MBOAT2: variants seen among roughly 807,000 people sequenced by gnomAD.
MBOAT2 encodes the protein membrane-bound glycerophospholipid O-acyltransferase 2.
In MBOAT2, 28 loss-of-function variants were observed where a neutral mutation model predicts 63.4. The observed-to-expected ratio is 0.44, with a 90% CI of 0.33 to 0.61. The LOEUF is 0.61. Ranked by LOEUF, MBOAT2 falls within the 20% of genes least tolerant of loss-of-function variation. The pLI is 0.03. For synonymous variants in MBOAT2, 211 were observed against 215.6 expected, an observed-to-expected ratio of 0.98 and a Z score of 0.19; for missense variants, 470 against 605.8, an observed-to-expected ratio of 0.78 and a Z score of 2.35.
At chr2:8,957,311 C>T (rs1236685437) in intron 2 of MBOAT2, among the ~76,000 whole-genome samples, 1 of 152,176 alleles carries the variant, frequency 6.6e-6, no homozygotes, top group Non-Finnish European at 1.5e-5. Flanking sequence ...CCTTAAAAAA[C>T]TGTGATGATA....
chr2:8,903,073 G>A (rs1242204390), intron 4 of MBOAT2, among the ~76,000 whole-genome samples: 1 of 152,128 alleles, frequency 6.6e-6, no homozygotes, highest in Non-Finnish European at 1.5e-5. Flanking sequence ...CCTTGAGCTA[G>A]ACACAAAAGT....
chr2:8,868,604 T>C, intron 8 of MBOAT2, 55 bp from the exon 9 acceptor site: 1 of 1,366,348 alleles, frequency 7.3e-7, no homozygotes, highest in Non-Finnish European at 1.0e-6. Context: ...CAATTTACCA[T>C]ATTCTCCCAG....
At chr2:8,930,059 C>T (rs974634728) in intron 3 of MBOAT2, among the ~76,000 whole-genome samples, 12 of 152,192 alleles carry the variant, frequency 7.9e-5, no homozygotes, top group Non-Finnish European at 1.6e-4. Flanking sequence ...TTATCTATGT[C>T]CCAGTTCCAA....
At chr2:8,895,841 G>A (rs914023895) in intron 4 of MBOAT2, among the ~76,000 whole-genome samples, 5 of 152,122 alleles carry the variant, frequency 3.3e-5, no homozygotes, top group Non-Finnish European at 5.9e-5. Flanking sequence ...TTGACAAAGA[G>A]GTTAAAAATA....
chr2:8,882,365 C>A, intron 6 of MBOAT2, 146 bp downstream of exon 6: 1 of 760,020 alleles, frequency 1.3e-6, no homozygotes, highest in Non-Finnish European at 2.2e-6. Flanking sequence ...CAGGCTTTGG[C>A]AGGAGGGAAG....
chr2:8,943,279 A>T lies in MBOAT2; in HGVS notation c.222-15T>A, dbSNP rs754592020. ...GTAAGGCATACCTATAAAAAGTAAG[A>T]GCACTATTAGAAGAGGGATGCCAAG... On this transcript the variant is annotated splice_polypyrimidine_tract_variant and intron_variant, in intron 2 of 12. Transcript: ENST00000305997. 6.6e-7 allele frequency: 1 copy of T among 1,508,354 alleles called. No homozygotes were observed. The highest frequency in any genetic ancestry group is 1.9e-5 in the Admixed American group (1 of 52,748). The allele number at this position is 1,508,354 out of a possible 1,614,324, so 93.4% of individuals were successfully genotyped here.
chr2:8,893,730 G>A (rs1572982425), intron 4 of MBOAT2, among the ~76,000 whole-genome samples: 1 of 152,198 alleles, frequency 6.6e-6, no homozygotes, highest in Non-Finnish European at 1.5e-5. Flanking sequence ...GCTATTTGAA[G>A]GTCTGCACAG....
chr2:8,895,451 C>A (rs959867455), intron 4 of MBOAT2, among the ~76,000 whole-genome samples: 6 of 152,208 alleles, frequency 3.9e-5, no homozygotes, highest in Admixed American at 3.3e-4. Flanking sequence ...AATCCTTGAG[C>A]TAGACACAAA....
At chr2:8,903,077 C>A (rs533502843) in intron 4 of MBOAT2, among the ~76,000 whole-genome samples, 3 of 152,154 alleles carry the variant, frequency 2.0e-5, no homozygotes, top group Non-Finnish European at 4.4e-5. Context: ...GAGCTAGACA[C>A]AAAAGTTCTC....
intron 11 of MBOAT2, among the ~76,000 whole-genome samples, chr2:8,861,350 GGGA>G (rs1037138102): frequency 5.9e-5 from 9 of 152,194 alleles, no homozygotes; most frequent in African/African-American, 2.2e-4. Context: ...AATGGGGGAA[GGGA>G]GGAGGGCAGT....
chr2:8,974,904 T>C (rs1038993844), intron 1 of MBOAT2, among the ~76,000 whole-genome samples: 12 of 152,152 alleles, frequency 7.9e-5, no homozygotes, highest in East Asian at 1.9e-4. Context: ...TTCTAGGCCA[T>C]TGCCACAGAA....
intron 1 of MBOAT2, among the ~76,000 whole-genome samples, chr2:9,000,480 C>T (rs1672605954): frequency 6.6e-6 from 1 of 152,208 alleles, no homozygotes; most frequent in Non-Finnish European, 1.5e-5. Context: ...AACTTATTAT[C>T]ACTATGAAAA....
intron 4 of MBOAT2, among the ~76,000 whole-genome samples, chr2:8,896,939 G>A (rs1026810636): frequency 2.6e-5 from 4 of 152,224 alleles, no homozygotes; most frequent in African/African-American, 9.7e-5. Flanking sequence ...AAGGATTTTT[G>A]ATAGGAAGGC....
intron 4 of MBOAT2, among the ~76,000 whole-genome samples, chr2:8,904,778 T>C (rs1046464930): frequency 2.6e-5 from 4 of 152,230 alleles, no homozygotes; most frequent in Admixed American, 1.3e-4. Context: ...GGATCCTTTT[T>C]CTATCATATT....
chr2:8,891,887 T>A (rs1434160887), intron 4 of MBOAT2, among the ~76,000 whole-genome samples: 2 of 152,196 alleles, frequency 1.3e-5, no homozygotes, highest in Non-Finnish European at 2.9e-5. Context: ...GATACTCTGC[T>A]AAGAATGTGG....
chr2:8,975,265 C>T (rs1249414693), intron 1 of MBOAT2, among the ~76,000 whole-genome samples: 1 of 152,132 alleles, frequency 6.6e-6, no homozygotes, highest in Non-Finnish European at 1.5e-5. Flanking sequence ...ACCTCTTCAA[C>T]CTAGAAAGTA....
At chr2:8,944,722 C>G (rs1668293299) in intron 2 of MBOAT2, among the ~76,000 whole-genome samples, 1 of 151,482 alleles carries the variant, frequency 6.6e-6, no homozygotes, top group South Asian at 2.1e-4. Context: ...CCATTATAAT[C>G]AGAGGAAGCA....
intron 1 of MBOAT2, among the ~76,000 whole-genome samples, chr2:8,996,720 G>A (rs1193901194): frequency 6.6e-6 from 1 of 152,160 alleles, no homozygotes; most frequent in Non-Finnish European, 1.5e-5. Context: ...GCTGGCTCGG[G>A]AACTTCGCTA....
At chr2:8,974,391 A>C (rs1227243153) in intron 1 of MBOAT2, 1 of 456,442 alleles carries the variant, frequency 2.2e-6, no homozygotes, top group African/African-American at 2.0e-5. Context: ...GGTACGTGAG[A>C]CACACGGAAG....
Sources: allele counts gnomAD v4.1 joint callset (sites outside exome capture counted in the v4.1 genomes callset), GRCh38; gene constraint gnomAD v4.1.1; transcripts MANE v1.5; gene names NCBI Gene and HGNC (gene_info 2026-07-23, HGNC 2026-07-21).